Variants in SDC4 observed in about 807,000 individuals in gnomAD.
SDC4 encodes syndecan 4.
SDC4 carries 17 observed loss-of-function variants against 20.5 expected under a neutral mutation model. The observed-to-expected ratio is 0.83, with a 90% CI of 0.57 to 1.25. SDC4 has a LOEUF of 1.25. Among genes scored for constraint, SDC4 ranks in the 50% most tolerant of loss-of-function variants. The pLI, the probability that SDC4 is intolerant of heterozygous loss-of-function variation, is 0.00. For missense variants in SDC4, 241 were observed against 252.3 expected, an observed-to-expected ratio of 0.96 and a Z score of 0.30; for synonymous variants, 107 against 105.3, an observed-to-expected ratio of 1.02 and a Z score of -0.10.
chr20:45,340,382 CA>C (rs1987937626), intron 1 of SDC4, among the ~76,000 whole-genome samples: 1 of 152,198 alleles, frequency 6.6e-6, no homozygotes, highest in Non-Finnish European at 1.5e-5. Context: ...CAACGTCATG[CA>C]ACTAGAAAGC....
At chr20:45,348,241 C>A in intron 1 of SDC4, 84 bp downstream of exon 1, 1 of 1,204,644 alleles carries the variant, frequency 8.3e-7, no homozygotes, top group Non-Finnish European at 1.2e-6. Flanking sequence ...ATCTGCCCCC[C>A]CCCATCCCAC....
chr20:45,337,259 A>G (rs1987885088), intron 1 of SDC4, among the ~76,000 whole-genome samples: 1 of 152,140 alleles, frequency 6.6e-6, no homozygotes, highest in Non-Finnish European at 1.5e-5. Context: ...TCATTATTCT[A>G]CTAATTAATT....
At chr20:45,346,567 C>G (rs1342520061) in intron 1 of SDC4, among the ~76,000 whole-genome samples, 1 of 152,214 alleles carries the variant, frequency 6.6e-6, no homozygotes, top group Admixed American at 6.5e-5. Context: ...ACGGTGACCT[C>G]AGCAACCTCC....
At chr20:45,334,003 T>C (rs1384004296) in intron 2 of SDC4, among the ~76,000 whole-genome samples, 4 of 146,086 alleles carry the variant, frequency 2.7e-5, no homozygotes, top group African/African-American at 8.1e-5. Flanking sequence ...AAATCTACTT[T>C]TTTTTTTTTG....
intron 1 of SDC4, among the ~76,000 whole-genome samples, chr20:45,342,691 T>C (rs1600734142): frequency 6.9e-6 from 1 of 145,958 alleles, no homozygotes. Context: ...AGAACAAGGC[T>C]GGGAAGTGGG....
In SDC4 at chr20:45,326,778, A is replaced by G. The variant is rs1256809572; in HGVS notation, c.*486T>C. The G allele has an allele frequency of 6.5e-6, 1 of 153,784 alleles. No individual in the cohort carries two copies. The highest frequency in any genetic ancestry group is 1.5e-5 in the Non-Finnish European group (1 of 68,774). 9.5% of individuals were successfully genotyped at this position (153,784 alleles called of 1,614,324 possible). On this transcript the variant is annotated 3_prime_UTR_variant, in exon 5 of 5. Coordinates refer to ENST00000372733, the MANE Select transcript of SDC4 (RefSeq NM_002999.4). ...AGATTCCCGTAGTGTGATCACAAGTACCCATTTACAGAAACATCTCAAGGT... is the reference window on the plus strand; with the variant it reads ...AGATTCCCGTAGTGTGATCACAAGTGCCCATTTACAGAAACATCTCAAGGT...
Position 45,325,758 on chromosome 20 carries a change from T to C in SDC4, c.*1506A>G, listed in dbSNP as rs1484955870. On this transcript the variant is annotated 3_prime_UTR_variant, in exon 5 of 5. Coordinates refer to ENST00000372733, the MANE Select transcript of SDC4 (RefSeq NM_002999.4). ...GCTCTCGCTGTCAGTACAGTAGCCA[T>C]GAACTACATACAGTGACGCCTCTAG... 1 of 152,236 alleles carries C rather than the reference T, an allele frequency of 6.6e-6. No individual in the cohort carries two copies. Among genetic ancestry groups the C allele is most frequent in the African/African-American group, 2.4e-5 (1 of 41,440 alleles). The allele number at this position is 152,236 out of a possible 1,614,324, so 9.4% of individuals were successfully genotyped here.
intron 1 of SDC4, 48 bp from the exon 2 acceptor site, chr20:45,335,968 T>G: frequency 6.3e-7 from 1 of 1,587,620 alleles, no homozygotes; most frequent in Non-Finnish European, 8.6e-7. Flanking sequence ...CAGTGCTCCA[T>G]GACAGCTGAT....
At position 45,327,491 on chromosome 20, in the gene SDC4, A is replaced by C. The variant is rs556230749; in HGVS notation, c.446-76T>G. 1.6e-4 allele frequency: 229 copies of C among 1,473,842 alleles called. 1 individual carries two copies. In the African/African-American group the frequency reaches 2.7e-3, roughly 18 times the overall value. The allele number at this position is 1,473,842 out of a possible 1,614,324, so 91.3% of individuals were successfully genotyped here. ...CTAAGGATGAACCCCTCTTTCCCCC[A>C]CTGTCAGTTCTCTTACAACCAGACA... On this transcript the variant is annotated intron_variant, in intron 4 of 4. Transcript: ENST00000372733.
chr20:45,335,659 G>A, intron 2 of SDC4, 123 bp downstream of exon 2: 3 of 993,936 alleles, frequency 3.0e-6, no homozygotes, highest in Non-Finnish European at 4.5e-6. Flanking sequence ...TGAGAAGGAA[G>A]AAGGGCACTC....
rs1987665491 is a variant in SDC4 at position 45,325,365 on chromosome 20, A to G, written c.*1899T>C. ...ACAACAGTGTGAGAGGTGCCTACAG[A>G]GGAGGTGCTCACTCCAACACAGCCC... is the stretch of plus-strand genomic sequence containing the variant. On this transcript the variant is annotated 3_prime_UTR_variant, in exon 5 of 5. Transcript: ENST00000372733. 2.0e-5 allele frequency: 3 copies of G among 152,682 alleles called. No individual in the cohort carries two copies. The highest frequency in any genetic ancestry group is 2.0e-4 in the Admixed American group (3 of 15,284). 9.5% of individuals were successfully genotyped at this position (152,682 alleles called of 1,614,324 possible).
At chr20:45,348,227 C>A in intron 1 of SDC4, 98 bp downstream of exon 1, 1 of 1,091,404 alleles carries the variant, frequency 9.2e-7, no homozygotes, top group Non-Finnish European at 1.3e-6. Context: ...GTAGCGTACC[C>A]CCGATCTGCC....
chr20:45,334,049 C>T (rs1303184500), intron 2 of SDC4, among the ~76,000 whole-genome samples: 4 of 151,594 alleles, frequency 2.6e-5, no homozygotes, highest in African/African-American at 9.7e-5. Flanking sequence ...GGCTGGAGTA[C>T]CGTGGTGCCA....
At chr20:45,327,491 A>T in intron 4 of SDC4, 76 bp from the exon 5 acceptor site, 1 of 1,473,842 alleles carries the variant, frequency 6.8e-7, no homozygotes, top group Non-Finnish European at 9.2e-7. Flanking sequence ...TCTTTCCCCC[A>T]CTGTCAGTTC....
chr20:45,342,528 C>CAGCA (rs2145716631), intron 1 of SDC4, among the ~76,000 whole-genome samples: 1 of 152,300 alleles, frequency 6.6e-6, no homozygotes, highest in Admixed American at 6.5e-5. Flanking sequence ...GTCACCTGAC[C>CAGCA]AGCAGCCTCT....
chr20:45,342,477 A>G (rs1466429619), intron 1 of SDC4, among the ~76,000 whole-genome samples: 2 of 152,182 alleles, frequency 1.3e-5, no homozygotes, highest in Non-Finnish European at 2.9e-5. Context: ...GTTTCCACAC[A>G]TACCAGCCTC....
Position 45,335,778 on chromosome 20 carries a change from G to A in SDC4, c.199+4C>T, listed in dbSNP as rs368933486. 1.2e-4 allele frequency: 187 copies of A among 1,613,266 alleles called. No homozygotes were observed. The highest frequency in any genetic ancestry group is 3.5e-4 in the African/African-American group (26 of 74,930). Reference sequence around the variant, plus strand: ...CCTACGCCTGCCCAGCACACCTTCCGTACCCAGATCTCCAGAGCCAGACAG... The same window carrying A: ...CCTACGCCTGCCCAGCACACCTTCCATACCCAGATCTCCAGAGCCAGACAG... On this transcript the variant is annotated splice_donor_region_variant and intron_variant, in intron 2 of 4. Transcript: ENST00000372733.
chr20:45,340,200 G>A (rs1329870698), intron 1 of SDC4, among the ~76,000 whole-genome samples: 1 of 152,144 alleles, frequency 6.6e-6, no homozygotes, highest in Admixed American at 6.5e-5. Flanking sequence ...AAATCCTATG[G>A]CTTCTATCAC....
At position 45,348,238 on chromosome 20, in the gene SDC4, C is replaced by A. The variant is rs972989041; in HGVS notation, c.60+87G>T. 4.7e-4 allele frequency: 543 copies of A among 1,143,980 alleles called. 6 individuals are homozygous for A. In the East Asian group the frequency reaches 0.013, roughly 28 times the overall value. The allele number at this position is 1,143,980 out of a possible 1,614,324, so 70.9% of individuals were successfully genotyped here. A position where few individuals can be genotyped will look rare whatever the true frequency, so the allele number is the denominator to read the frequency against. On this transcript the variant is annotated intron_variant, in intron 1 of 4. Transcript: ENST00000372733. Reference sequence around the variant, plus strand: ...GGGGGTAGCGTACCCCCGATCTGCCCCCCCCCATCCCACGCTCCGACGAAC... The same window carrying A: ...GGGGGTAGCGTACCCCCGATCTGCCACCCCCCATCCCACGCTCCGACGAAC...
Sources: gnomAD v4.1 joint callset for allele counts (sites outside exome capture counted in the v4.1 genomes callset) on GRCh38, gnomAD v4.1.1 for gene constraint, MANE v1.5 for transcripts, NCBI Gene and HGNC (gene_info 2026-07-23, HGNC 2026-07-21) for gene names.